The following EPS15 variants were observed in gnomAD, a reference collection of about 807,000 sequenced individuals.
EPS15 encodes epidermal growth factor receptor pathway substrate 15.
In EPS15, 72 loss-of-function variants were observed where a neutral mutation model predicts 113.8. That is an observed-to-expected ratio of 0.63 (90% CI 0.52 to 0.77). EPS15 has a LOEUF of 0.77. Among genes scored for constraint, EPS15 ranks in the 30% least tolerant of loss-of-function variants. The pLI, the probability that EPS15 is intolerant of heterozygous loss-of-function variation, is 0.00. For synonymous variants in EPS15, 344 were observed against 363.4 expected (o/e 0.95, Z 0.61); for missense variants, 1,048 against 1,045.8 (o/e 1.00, Z -0.03).
intron 1 of EPS15, among the ~76,000 whole-genome samples, chr1:51,517,558 G>A (rs1055857469): frequency 6.6e-6 from 1 of 152,212 alleles, no homozygotes; most frequent in Non-Finnish European, 1.5e-5. Flanking sequence ...TTGGCCAACA[G>A]AGCCAGAAAA....
chr1:51,493,024 G>A (rs1301018697), intron 1 of EPS15, among the ~76,000 whole-genome samples: 1 of 151,588 alleles, frequency 6.6e-6, no homozygotes, highest in Non-Finnish European at 1.5e-5. Flanking sequence ...TCAGGAGTTC[G>A]AGACCATCCT....
intron 2 of EPS15, among the ~76,000 whole-genome samples, chr1:51,480,404 G>A (rs1643998633): frequency 6.6e-6 from 1 of 152,208 alleles, no homozygotes; most frequent in Non-Finnish European, 1.5e-5. Flanking sequence ...TAGAGGTAGA[G>A]GTTAATAGAA....
chr1:51,511,418 C>T (rs1017733665), intron 1 of EPS15, among the ~76,000 whole-genome samples: 1 of 149,506 alleles, frequency 6.7e-6, no homozygotes, highest in Non-Finnish European at 1.5e-5. Context: ...ATTGCTTGAA[C>T]CCAGGGGTGG....
At chr1:51,377,155 T>C (rs1370488685) in intron 21 of EPS15, among the ~76,000 whole-genome samples, 2 of 152,058 alleles carry the variant, frequency 1.3e-5, no homozygotes, top group Non-Finnish European at 2.9e-5. Context: ...TCTCAGCTAC[T>C]TGGAAGGCTG....
intron 1 of EPS15, among the ~76,000 whole-genome samples, chr1:51,489,705 G>A (rs1289007810): frequency 3.3e-5 from 5 of 152,076 alleles, no homozygotes. Context: ...GTGTCTCTCC[G>A]TGGGTGTTCC....
chr1:51,386,374 T>C (rs1418731540), intron 21 of EPS15, among the ~76,000 whole-genome samples: 1 of 152,174 alleles, frequency 6.6e-6, no homozygotes, highest in Non-Finnish European at 1.5e-5. Context: ...TAGTGGTACT[T>C]GTAAATGTCA....
At chr1:51,505,925 C>G (rs1416476177) in intron 1 of EPS15, among the ~76,000 whole-genome samples, 1 of 151,986 alleles carries the variant, frequency 6.6e-6, no homozygotes, top group East Asian at 1.9e-4. Flanking sequence ...CTTGCTCTGT[C>G]ACCCAGGCTG....
chr1:51,466,623 C>CAA (rs36121679), intron 5 of EPS15, among the ~76,000 whole-genome samples: 1 of 148,086 alleles, frequency 6.8e-6, no homozygotes, highest in African/African-American at 2.5e-5. Context: ...AACTCCCTCT[C>CAA]AAAAAAAAAT....
chr1:51,508,330 GAGAAAGAGAGAA>G (rs1557537081), intron 1 of EPS15, among the ~76,000 whole-genome samples: 28 of 100,226 alleles, frequency 2.8e-4, no homozygotes, highest in African/African-American at 1.1e-3. Context: ...AAGAGAGAAA[GAGAAAGAGAGAA>G]AGAAAGAAAG....
intron 1 of EPS15, among the ~76,000 whole-genome samples, chr1:51,490,564 C>CAAA (rs60149665): frequency 2.5e-4 from 19 of 76,586 alleles, no homozygotes; most frequent in Non-Finnish European, 3.6e-4. Flanking sequence ...GACTCCATCT[C>CAAA]AAAAAAAAAA....
At chr1:51,409,065 C>T (rs1570237406) in intron 14 of EPS15, among the ~76,000 whole-genome samples, 1 of 152,074 alleles carries the variant, frequency 6.6e-6, no homozygotes, top group Non-Finnish European at 1.5e-5. Context: ...GGATTAAAGG[C>T]GTGAGCCACT....
At position 51,354,857 on chromosome 1, in the gene EPS15, T is replaced by C. The variant is rs907426359; in HGVS notation, c.*1843A>G. The C allele has an allele frequency of 4.9e-6, 1 of 202,402 alleles. No individual in the cohort carries two copies. Among genetic ancestry groups the C allele is most frequent in the African/African-American group, 2.3e-5 (1 of 43,576 alleles). The allele number at this position is 202,402 out of a possible 1,614,324, so 12.5% of individuals were successfully genotyped here. On this transcript the variant is annotated 3_prime_UTR_variant, in exon 25 of 25. Transcript: ENST00000371733. ...GTGTTTATAAGTTATAGATATTTAA[T>C]ATTTGAGTTTAATTGAAAATTTTTT... is the stretch of plus-strand genomic sequence containing the variant.
intron 12 of EPS15, among the ~76,000 whole-genome samples, chr1:51,423,990 T>G (rs564399124): frequency 3.2e-4 from 49 of 152,124 alleles, no homozygotes; most frequent in African/African-American, 1.1e-3. Context: ...CTGAAGACCA[T>G]TCCCAACTAA....
At position 51,471,675 on chromosome 1, in the gene EPS15, A is replaced by G; in HGVS notation, c.213+15T>C. On this transcript the variant is annotated intron_variant, in intron 4 of 24. Coordinates refer to ENST00000371733, the MANE Select transcript of EPS15 (RefSeq NM_001981.3). ...ATCACTCAAAAAAAAAATCATATGAATATCTGAAACTTACTTGTTTGTTCA... is the reference window on the plus strand; with the variant it reads ...ATCACTCAAAAAAAAAATCATATGAGTATCTGAAACTTACTTGTTTGTTCA... 1.9e-6 allele frequency: 3 copies of G among 1,591,842 alleles called. No homozygotes were observed. Among genetic ancestry groups the G allele is most frequent in the East Asian group, 2.2e-5 (1 of 44,716 alleles).
At chr1:51,455,407 C>T (rs531783058) in intron 8 of EPS15, among the ~76,000 whole-genome samples, 31 of 151,966 alleles carry the variant, frequency 2.0e-4, no homozygotes, top group Admixed American at 1.7e-3. Flanking sequence ...CTGGCCAACA[C>T]GGCGAAACCC....
intron 13 of EPS15, among the ~76,000 whole-genome samples, chr1:51,410,035 G>C (rs1198660352): frequency 6.8e-6 from 1 of 147,728 alleles, no homozygotes; most frequent in African/African-American, 2.5e-5. Flanking sequence ...ACCCCACATG[G>C]AGAAACCCTG....
At chr1:51,422,601 C>T (rs1277114321) in intron 12 of EPS15, among the ~76,000 whole-genome samples, 1 of 152,184 alleles carries the variant, frequency 6.6e-6, no homozygotes, top group Admixed American at 6.5e-5. Flanking sequence ...TTTAATCAGG[C>T]CTGAGTGGCT....
intron 1 of EPS15, among the ~76,000 whole-genome samples, chr1:51,481,859 C>T (rs1644026028): frequency 6.6e-6 from 1 of 152,212 alleles, no homozygotes; most frequent in Admixed American, 6.5e-5. Context: ...TATGAACAGA[C>T]TCATCTGAAA....
chr1:51,357,395 T>A (rs57923117), intron 24 of EPS15, among the ~76,000 whole-genome samples: 6,430 of 61,590 alleles, frequency 0.1, 327 homozygotes, highest in African/African-American at 0.17. Context: ...AAAAAAAATA[T>A]ATATATATAT....
Sources: allele counts gnomAD v4.1 joint callset (sites outside exome capture counted in the v4.1 genomes callset), GRCh38; gene constraint gnomAD v4.1.1; transcripts MANE v1.5; gene names NCBI Gene and HGNC (gene_info 2026-07-23, HGNC 2026-07-21).